The following SULF2 variants were observed in gnomAD, a reference collection of about 807,000 sequenced individuals.
SULF2 encodes sulfatase 2, also known as extracellular sulfatase Sulf-2.
In SULF2, 52 loss-of-function variants were observed where a neutral mutation model predicts 107.7. That is an observed-to-expected ratio of 0.48 (90% CI 0.39 to 0.61). The LOEUF (loss-of-function observed/expected upper bound fraction) is 0.61, where lower values mean the gene tolerates loss of function less well. Among genes scored for constraint, SULF2 ranks in the 20% least tolerant of loss-of-function variants. SULF2 has a pLI of 0.00. For missense variants in SULF2, 993 were observed against 1,177.3 expected, an observed-to-expected ratio of 0.84 and a Z score of 2.29; for synonymous variants, 460 against 464.3, an observed-to-expected ratio of 0.99 and a Z score of 0.12.
chr20:47,661,296 G>A (rs1238472292), intron 18 of SULF2: 1 of 152,168 alleles, frequency 6.6e-6, no homozygotes, highest in Non-Finnish European at 1.5e-5. Flanking sequence ...CAGTTCAGAG[G>A]TCTGACCCTG....
chr20:47,707,715 A>G (rs1202989767), intron 3 of SULF2, among the ~76,000 whole-genome samples: 1 of 152,154 alleles, frequency 6.6e-6, no homozygotes, highest in Non-Finnish European at 1.5e-5. Context: ...CTAAAAGCAA[A>G]GCAGTACCCT....
chr20:47,677,269 GC>G, intron 8 of SULF2, 135 bp from the exon 9 acceptor site: 2 of 891,044 alleles, frequency 2.2e-6, no homozygotes, highest in Non-Finnish European at 3.5e-6. Flanking sequence ...TGGTGAGTGT[GC>G]CCAGCTGGGC....
At chr20:47,765,187 TAAA>T (rs375531395) in intron 1 of SULF2, among the ~76,000 whole-genome samples, 1 of 151,166 alleles carries the variant, frequency 6.6e-6, no homozygotes, top group Non-Finnish European at 1.5e-5. Context: ...CCGTCTCTAC[TAAA>T]AAAAATACAA....
chr20:47,715,554 G>A (rs2089088935), intron 3 of SULF2, among the ~76,000 whole-genome samples: 1 of 151,582 alleles, frequency 6.6e-6, no homozygotes, highest in Non-Finnish European at 1.5e-5. Context: ...GAGGCCTGTG[G>A]GAGACACAGC....
chr20:47,775,202 G>A (rs1341175364), intron 1 of SULF2, among the ~76,000 whole-genome samples: 1 of 152,218 alleles, frequency 6.6e-6, no homozygotes, highest in African/African-American at 2.4e-5. Flanking sequence ...AAGTGATGCT[G>A]TGCCGGTTTT....
intron 3 of SULF2, among the ~76,000 whole-genome samples, chr20:47,728,349 G>C (rs887294707): frequency 1.3e-5 from 2 of 152,318 alleles, no homozygotes; most frequent in African/African-American, 2.4e-5. Context: ...GGGGCCCAGG[G>C]ACGGCATCCC....
intron 4 of SULF2, among the ~76,000 whole-genome samples, chr20:47,690,785 C>T (rs1420070686): frequency 6.6e-6 from 1 of 150,628 alleles, no homozygotes; most frequent in Non-Finnish European, 1.5e-5. Context: ...AGGAGAATCG[C>T]TTGAACACAG....
intron 1 of SULF2, among the ~76,000 whole-genome samples, chr20:47,767,830 C>T (rs62200255): frequency 0.039 from 5,808 of 150,280 alleles, 175 homozygotes; most frequent in Non-Finnish European, 0.061. Context: ...CTCAGTTACT[C>T]GGGAGGCCAA....
chr20:47,771,528 C>G (rs1317553866), intron 1 of SULF2, among the ~76,000 whole-genome samples: 1 of 152,208 alleles, frequency 6.6e-6, no homozygotes, highest in African/African-American at 2.4e-5. Context: ...AAGGCCCCAA[C>G]CTCCCCCAGC....
At chr20:47,684,213 C>T (rs572090526) in intron 6 of SULF2, 62 of 471,362 alleles carry the variant, frequency 1.3e-4, no homozygotes, top group Middle Eastern at 1.1e-3. Context: ...ATATGGTTAC[C>T]GTATTGGGCA....
intron 11 of SULF2, among the ~76,000 whole-genome samples, chr20:47,667,248 T>G (rs2087306470): frequency 6.6e-6 from 1 of 152,146 alleles, no homozygotes; most frequent in Non-Finnish European, 1.5e-5. Context: ...GGACGGGGAC[T>G]GGGGAAGCCA....
intron 9 of SULF2, 168 bp from the exon 10 acceptor site, chr20:47,676,791 A>T: frequency 1.3e-6 from 1 of 796,818 alleles, no homozygotes; most frequent in Non-Finnish European, 1.9e-6. Context: ...AACTTAAGAC[A>T]TTGGAATTTT....
At chr20:47,661,624 G>T in intron 18 of SULF2, 149 bp downstream of exon 18, 1 of 727,582 alleles carries the variant, frequency 1.4e-6, no homozygotes, top group Non-Finnish European at 2.0e-6. Context: ...TGCCTGCTAT[G>T]GACAGGGGCT....
chr20:47,672,187 G>A lies in SULF2; in HGVS notation c.1576+11C>T, dbSNP rs547786554. ...TCCTCCTGTCCCACTCAGCCAGGTTGTGACACTTACTCTTCTTGAAGAGTT... is the reference window on the plus strand; with the variant it reads ...TCCTCCTGTCCCACTCAGCCAGGTTATGACACTTACTCTTCTTGAAGAGTT... On this transcript the variant is annotated intron_variant, in intron 11 of 20. Transcript: ENST00000688720. 9.4e-6 allele frequency: 15 copies of A among 1,596,888 alleles called. No homozygotes were observed. In the East Asian group the frequency reaches 3.1e-4, roughly 34 times the overall value.
intron 10 of SULF2, among the ~76,000 whole-genome samples, chr20:47,675,733 C>A (rs1375315784): frequency 6.6e-6 from 1 of 151,802 alleles, no homozygotes; most frequent in Non-Finnish European, 1.5e-5. Context: ...CCATCCCACT[C>A]CCCTCCCTGC....
At chr20:47,760,379 C>T (rs1195830812) in intron 1 of SULF2, among the ~76,000 whole-genome samples, 1 of 152,076 alleles carries the variant, frequency 6.6e-6, no homozygotes, top group Non-Finnish European at 1.5e-5. Flanking sequence ...AGGCAGTAGC[C>T]TTCGTGTCTG....
Position 47,736,749 on chromosome 20 carries a change from C to T in SULF2, c.369G>A (p.Glu123=), listed in dbSNP as rs764224527. 1 of 1,614,242 alleles carries T rather than the reference C, an allele frequency of 6.2e-7. No homozygotes were observed. Among genetic ancestry groups the T allele is most frequent in the Non-Finnish European group, 8.5e-7 (1 of 1,180,044 alleles). ...TGAGGTACACGGCAAAGGTGCGGCT[C>T]TCGTGCTGTGCCTGCCAGGAGGGCG... ...CSSPSWQAQH[E]SRTFAVYLNS... is the part of the protein sequence containing the mutation. The change falls in exon 3 of 21, where the codon GAG becomes GAA. Residue 123 remains glutamate, a synonymous_variant. Coordinates refer to ENST00000688720, the MANE Select transcript of SULF2 (RefSeq NM_001387048.1).
intron 6 of SULF2, among the ~76,000 whole-genome samples, chr20:47,683,788 T>C (rs188915629): frequency 5.3e-5 from 8 of 152,334 alleles, no homozygotes. Flanking sequence ...ACCCATACAA[T>C]GCGATATTAT....
At chr20:47,685,197 G>T (rs1446659392) in intron 5 of SULF2, 1 of 152,214 alleles carries the variant, frequency 6.6e-6, no homozygotes, top group African/African-American at 2.4e-5. Flanking sequence ...TGTGAGGAAG[G>T]CACCTGAATG....
Sources: allele counts gnomAD v4.1 joint callset (sites outside exome capture counted in the v4.1 genomes callset), GRCh38; gene constraint gnomAD v4.1.1; transcripts MANE v1.5; gene names NCBI Gene and HGNC (gene_info 2026-07-23, HGNC 2026-07-21).